The following MON2 variants were observed in gnomAD, a reference collection of about 807,000 sequenced individuals.
MON2 encodes the protein MON2 regulator of endosome-to-Golgi trafficking.
Under a neutral mutation model 208.6 loss-of-function variants are expected in MON2, and 84 were observed. That is an observed-to-expected ratio of 0.40 (90% CI 0.34 to 0.48). The LOEUF (loss-of-function observed/expected upper bound fraction) is 0.48. Ranked by LOEUF, MON2 falls within the 20% of genes least tolerant of loss-of-function variation. The pLI, the probability that MON2 is intolerant of heterozygous loss-of-function variation, is 0.59. For synonymous variants in MON2, 660 were observed against 694.0 expected, an observed-to-expected ratio of 0.95 and a Z score of 0.77; for missense variants, 1,611 against 2,015.4, an observed-to-expected ratio of 0.80 and a Z score of 3.84.
At chr12:62,515,676 G>A (rs2071648438) in intron 8 of MON2, among the ~76,000 whole-genome samples, 2 of 152,076 alleles carry the variant, frequency 1.3e-5, no homozygotes, top group Non-Finnish European at 2.9e-5. Context: ...TTAGCTGGGT[G>A]TGGTGGCGCA....
chr12:62,555,183 A>T lies in MON2; in HGVS notation c.3211-811A>T, dbSNP rs570490085. ...TATTTTATCCATTTAATTTAATTTAATTTTTTTTTTGAGACAGGATCTCAC... is the reference window on the plus strand; with the variant it reads ...TATTTTATCCATTTAATTTAATTTATTTTTTTTTTTGAGACAGGATCTCAC... On this transcript the variant is annotated intron_variant, in intron 24 of 34. Coordinates refer to ENST00000393630, the MANE Select transcript of MON2 (RefSeq NM_015026.3). 8.7e-5 allele frequency among the ~76,000 whole-genome samples: 13 copies of T among 149,408 alleles called. No individual in the cohort carries two copies. In the South Asian group the frequency reaches 1.7e-3, roughly 20 times the overall value.
At chr12:62,540,290 A>G (rs865854403) in intron 19 of MON2, among the ~76,000 whole-genome samples, 1 of 152,162 alleles carries the variant, frequency 6.6e-6, no homozygotes, top group Non-Finnish European at 1.5e-5. Context: ...GACAATTACT[A>G]TGGTATGAGA....
At chr12:62,511,422 C>T (rs2071392363) in intron 8 of MON2, among the ~76,000 whole-genome samples, 1 of 152,088 alleles carries the variant, frequency 6.6e-6, no homozygotes, top group Non-Finnish European at 1.5e-5. Flanking sequence ...CACACAAAAA[C>T]CCATGGAACA....
At chr12:62,495,894 C>T (rs148062519) in intron 4 of MON2, among the ~76,000 whole-genome samples, 2 of 151,842 alleles carry the variant, frequency 1.3e-5, no homozygotes, top group African/African-American at 2.4e-5. Context: ...ATTTTGTCAT[C>T]ACTCCCACCC....
chr12:62,550,909 CTTTTTTT>C lies in MON2; in HGVS notation c.2916+1098_2916+1104del, dbSNP rs869160726. Among the ~76,000 whole-genome samples the C allele has an allele frequency of 7.1e-3, 312 of 43,800 alleles. 3 individuals carry two copies. Among genetic ancestry groups the C allele is most frequent in the African/African-American group, 0.03 (290 of 9,528 alleles). The allele number at this position is 43,800 out of a possible 152,430, so 28.7% of individuals were successfully genotyped here. A position where few individuals can be genotyped will look rare whatever the true frequency, so the allele number is the denominator to read the frequency against. On this transcript the variant is annotated intron_variant, in intron 23 of 34. Coordinates refer to ENST00000393630, the MANE Select transcript of MON2 (RefSeq NM_015026.3). ...GCCTGCTGTACTTTCTTCTTTCTTT[CTTTTTTT>C]TTTTTTTTTTTTTTTTTTCTGAGAC... is the stretch of plus-strand genomic sequence containing the variant.
chr12:62,478,189 AT>A (rs1407055027), intron 1 of MON2, among the ~76,000 whole-genome samples: 1 of 151,882 alleles, frequency 6.6e-6, no homozygotes. Context: ...AGAACTTTCC[AT>A]TTCTTCCCTT....
At chr12:62,585,098 CACACACACACACAA>C (rs1565714591) in intron 32 of MON2, among the ~76,000 whole-genome samples, 182 bp from the exon 33 acceptor site, 2 of 64,320 alleles carry the variant, frequency 3.1e-5, no homozygotes, top group Non-Finnish European at 6.0e-5. Flanking sequence ...CACACACACA[CACACACACACACAA>C]AACAAAAAAA....
chr12:62,485,954 G>A (rs928685987), intron 2 of MON2, among the ~76,000 whole-genome samples: 3 of 152,018 alleles, frequency 2.0e-5, no homozygotes, highest in East Asian at 3.9e-4. Context: ...CTCCCGCCTC[G>A]GCCTCTCCAA....
intron 8 of MON2, among the ~76,000 whole-genome samples, chr12:62,520,105 C>T (rs1455099716): frequency 6.6e-6 from 1 of 152,256 alleles, no homozygotes; most frequent in African/African-American, 2.4e-5. Context: ...TGAGCCACCA[C>T]ACCCTGCCGA....
Position 62,467,117 on chromosome 12 carries a change from C to A in MON2, c.-91C>A. 9.7e-7 allele frequency: 1 copy of A among 1,032,080 alleles called. No homozygotes were observed. The highest frequency in any genetic ancestry group is 1.5e-6 in the Non-Finnish European group (1 of 686,144). The allele number at this position is 1,032,080 out of a possible 1,614,324, so 63.9% of individuals were successfully genotyped here. On this transcript the variant is annotated 5_prime_UTR_variant, in exon 1 of 35. Coordinates refer to ENST00000393630, the MANE Select transcript of MON2 (RefSeq NM_015026.3). Reference sequence around the variant, plus strand: ...AAGCGGGCTGCTGAAGGACCAGAGACACCGGGAGGGAGCTGCCTGTGGCCC... The same window carrying A: ...AAGCGGGCTGCTGAAGGACCAGAGAAACCGGGAGGGAGCTGCCTGTGGCCC...
chr12:62,536,769 A>G (rs937542131), intron 14 of MON2, among the ~76,000 whole-genome samples: 1 of 151,740 alleles, frequency 6.6e-6, no homozygotes, highest in African/African-American at 2.4e-5. Context: ...GCTCACTGCA[A>G]CCACCGCCTC....
intron 32 of MON2, among the ~76,000 whole-genome samples, chr12:62,584,898 A>G (rs888019113): frequency 2.6e-5 from 4 of 151,908 alleles, no homozygotes; most frequent in African/African-American, 7.3e-5. Context: ...AAAAGAGAGA[A>G]AAAGAGAATA....
intron 1 of MON2, chr12:62,482,647 AAT>A (rs1337052992): frequency 2.0e-5 from 3 of 152,226 alleles, no homozygotes; most frequent in African/African-American, 7.2e-5. Context: ...TGATGGAAAT[AAT>A]ATGTCAATAT....
chr12:62,577,652 G>C (rs1007774147), intron 30 of MON2, among the ~76,000 whole-genome samples: 4 of 151,998 alleles, frequency 2.6e-5, no homozygotes, highest in Non-Finnish European at 4.4e-5. Flanking sequence ...GGCATTCTAA[G>C]TTTCAGTTCC....
chr12:62,519,222 G>A (rs894521063), intron 8 of MON2, among the ~76,000 whole-genome samples: 3 of 152,154 alleles, frequency 2.0e-5, no homozygotes, highest in Non-Finnish European at 4.4e-5. Flanking sequence ...CGCCCTGGCT[G>A]TCTGCCACCT....
chr12:62,584,112 A>T (rs74327499), intron 32 of MON2, among the ~76,000 whole-genome samples: 2,172 of 152,246 alleles, frequency 0.014, 32 homozygotes, highest in Non-Finnish European at 0.023. Context: ...CTGTTGGCCA[A>T]GTATGAGTGT....
Position 62,538,285 on chromosome 12 carries a change from G to A in MON2, c.2233G>A (p.Val745Met), listed in dbSNP as rs1240325994. 1.2e-6 allele frequency: 2 copies of A among 1,613,470 alleles called. No individual in the cohort carries two copies. Among genetic ancestry groups the A allele is most frequent in the East Asian group, 2.2e-5 (1 of 44,850 alleles). Residue 745 changes from valine to methionine, a missense_variant, in exon 18 of 35, where the codon GTG becomes ATG. Physicochemically the swap from Val to Met is conservative, Grantham distance 21. Transcript: ENST00000393630. ...AACAGCAGTGATGACAGATTTACCA[G>A]TGATTTCCAATATACTTTCAAGATT... ...LTTAVMTDLP[V>M]ISNILSRLFE...
At chr12:62,537,814 TAGTA>T in intron 16 of MON2, 108 bp downstream of exon 16, 3 of 854,052 alleles carry the variant, frequency 3.5e-6, no homozygotes, top group Non-Finnish European at 5.5e-6. Context: ...AAAAAATAGA[TAGTA>T]AGTATGAAAA....
intron 25 of MON2, 50 bp from the exon 26 acceptor site, chr12:62,560,439 GAA>G: frequency 6.6e-7 from 1 of 1,515,698 alleles, no homozygotes; most frequent in Non-Finnish European, 8.8e-7. Flanking sequence ...AATATGAAGA[GAA>G]AATTTGATCG....
Sources: gnomAD v4.1 joint callset for allele counts (sites outside exome capture counted in the v4.1 genomes callset) on GRCh38, gnomAD v4.1.1 for gene constraint, MANE v1.5 for transcripts, NCBI Gene and HGNC (gene_info 2026-07-23, HGNC 2026-07-21) for gene names.